The following BACH2 variants were observed in gnomAD, a reference collection of about 807,000 sequenced individuals.
The protein encoded by BACH2 is transcription regulator protein BACH2.
In BACH2, 5 loss-of-function variants were observed where a neutral mutation model predicts 61.8. That is an observed-to-expected ratio of 0.08 (90% CI 0.04 to 0.17). BACH2 has a LOEUF of 0.17. Among genes scored for constraint, BACH2 ranks in the 10% least tolerant of loss-of-function variants. The probability of loss-of-function intolerance (pLI) is 1.00; values close to 1 mark genes in which losing one functional copy is unlikely to be tolerated. For synonymous variants in BACH2, 446 were observed against 440.1 expected, an observed-to-expected ratio of 1.01 and a Z score of -0.17; for missense variants, 824 against 1,091.1, an observed-to-expected ratio of 0.76 and a Z score of 3.45.
chr6:90,100,867 C>T (rs1782598145), intron 4 of BACH2, among the ~76,000 whole-genome samples: 1 of 152,080 alleles, frequency 6.6e-6, no homozygotes, highest in Non-Finnish European at 1.5e-5. Context: ...GACAATCCCA[C>T]CAGCAATGTA....
At chr6:90,276,675 T>C (rs1342995863) in intron 1 of BACH2, among the ~76,000 whole-genome samples, 2 of 152,214 alleles carry the variant, frequency 1.3e-5, no homozygotes, top group Admixed American at 6.5e-5. Context: ...GCTTGCATTA[T>C]AGATTTTGGA....
chr6:90,182,070 A>T (rs1170484344), intron 4 of BACH2, among the ~76,000 whole-genome samples: 4 of 152,030 alleles, frequency 2.6e-5, no homozygotes, highest in Non-Finnish European at 5.9e-5. Flanking sequence ...TGAACCTCTC[A>T]CTTCTGGGGT....
At chr6:89,940,704 A>T (rs550475770) in intron 7 of BACH2, among the ~76,000 whole-genome samples, 22 of 152,348 alleles carry the variant, frequency 1.4e-4, no homozygotes, top group Non-Finnish European at 3.1e-4. Context: ...TACGAGCTAC[A>T]TTTGTGATTT....
intron 4 of BACH2, among the ~76,000 whole-genome samples, chr6:90,125,089 C>G (rs898818265): frequency 3.3e-5 from 5 of 150,984 alleles, no homozygotes; most frequent in African/African-American, 1.2e-4. Flanking sequence ...TTTAAAATAA[C>G]AGTTATAAAA....
At chr6:90,217,736 C>T (rs1292875027) in intron 3 of BACH2, among the ~76,000 whole-genome samples, 1 of 151,714 alleles carries the variant, frequency 6.6e-6, no homozygotes, top group African/African-American at 2.4e-5. Flanking sequence ...CATGAATGAG[C>T]GGGAGACAAT....
intron 5 of BACH2, among the ~76,000 whole-genome samples, chr6:90,082,042 C>T (rs1245706447): frequency 6.6e-6 from 1 of 152,132 alleles, no homozygotes; most frequent in African/African-American, 2.4e-5. Flanking sequence ...ACTCTGTTCA[C>T]AGCACAAGAA....
At chr6:89,947,736 T>A (rs577718128) in intron 7 of BACH2, among the ~76,000 whole-genome samples, 50 of 151,994 alleles carry the variant, frequency 3.3e-4, no homozygotes, top group Admixed American at 8.5e-4. Context: ...CAGCTAATTT[T>A]TTTTTTTGTA....
chr6:90,050,838 C>T (rs748768691), intron 5 of BACH2, among the ~76,000 whole-genome samples: 11 of 151,214 alleles, frequency 7.3e-5, no homozygotes, highest in Non-Finnish European at 1.3e-4. Context: ...GGCGCGATCT[C>T]GGTTCACTGC....
chr6:90,270,091 A>G (rs1055118325), intron 2 of BACH2, among the ~76,000 whole-genome samples: 2 of 152,186 alleles, frequency 1.3e-5, no homozygotes, highest in African/African-American at 4.8e-5. Context: ...GTAGTATTTC[A>G]TGATGTATAT....
intron 6 of BACH2, among the ~76,000 whole-genome samples, chr6:90,005,923 C>T (rs1777380666): frequency 6.6e-6 from 1 of 152,204 alleles, no homozygotes. Flanking sequence ...AATCAACACA[C>T]AGCAAATTCT....
intron 5 of BACH2, among the ~76,000 whole-genome samples, chr6:90,053,938 T>C (rs1483070998): frequency 6.6e-6 from 1 of 152,164 alleles, no homozygotes; most frequent in Non-Finnish European, 1.5e-5. Flanking sequence ...GCTTCCTATA[T>C]CTCTGGATCA....
chr6:90,053,020 T>C (rs1009710863), intron 5 of BACH2, among the ~76,000 whole-genome samples: 1 of 152,156 alleles, frequency 6.6e-6, no homozygotes, highest in African/African-American at 2.4e-5. Flanking sequence ...AAATCAGGCT[T>C]AGAAGTTATA....
At chr6:90,225,397 TAC>T (rs1465884186) in intron 3 of BACH2, among the ~76,000 whole-genome samples, 3 of 151,968 alleles carry the variant, frequency 2.0e-5, no homozygotes, top group Non-Finnish European at 2.9e-5. Context: ...TTTAAAAAAA[TAC>T]AGACAAAATT....
chr6:90,067,268 C>G (rs552874608), intron 5 of BACH2, among the ~76,000 whole-genome samples: 1 of 152,216 alleles, frequency 6.6e-6, no homozygotes, highest in Admixed American at 6.5e-5. Flanking sequence ...GACGGAGCCC[C>G]TCTTGTGGAG....
intron 4 of BACH2, among the ~76,000 whole-genome samples, chr6:90,189,533 G>A (rs183391663): frequency 0.015 from 2,216 of 150,686 alleles, 31 homozygotes; most frequent in East Asian, 0.063. Context: ...GCGTGAACCC[G>A]GGAAGCGGAG....
intron 4 of BACH2, among the ~76,000 whole-genome samples, chr6:90,095,739 T>C (rs1782355428): frequency 6.6e-6 from 1 of 151,116 alleles, no homozygotes; most frequent in Admixed American, 6.6e-5. Context: ...CTAGCCTGTA[T>C]TGATACATCA....
chr6:90,075,582 C>A (rs1483455627), intron 5 of BACH2, among the ~76,000 whole-genome samples: 2 of 152,080 alleles, frequency 1.3e-5, no homozygotes, highest in African/African-American at 2.4e-5. Context: ...CTGACCCCAA[C>A]AGAGTATTAT....
At chr6:90,174,007 G>A (rs1767906716) in intron 4 of BACH2, among the ~76,000 whole-genome samples, 2 of 152,098 alleles carry the variant, frequency 1.3e-5, no homozygotes, top group Non-Finnish European at 2.9e-5. Context: ...TTTAGGCAAA[G>A]AGATAAAAAG....
chr6:90,268,779 A>G (rs1240347931), intron 2 of BACH2, among the ~76,000 whole-genome samples: 1 of 152,196 alleles, frequency 6.6e-6, no homozygotes, highest in Non-Finnish European at 1.5e-5. Flanking sequence ...ACATAGTAAT[A>G]TAAGATATTT....
Sources: gnomAD v4.1 joint callset for allele counts (sites outside exome capture counted in the v4.1 genomes callset) on GRCh38, gnomAD v4.1.1 for gene constraint, MANE v1.5 for transcripts, NCBI Gene and HGNC (gene_info 2026-07-23, HGNC 2026-07-21) for gene names.